CFAP74: variants seen among roughly 807,000 people sequenced by gnomAD.
CFAP74 encodes the protein cilia- and flagella-associated protein 74.
CFAP74 carries 124 observed loss-of-function variants against 188.9 expected under a neutral mutation model. The observed-to-expected ratio is 0.66, with a 90% CI of 0.57 to 0.76. The LOEUF (loss-of-function observed/expected upper bound fraction) is 0.76. Among genes scored for constraint, CFAP74 ranks in the 30% least tolerant of loss-of-function variants. The pLI is 0.00. For missense variants in CFAP74, 2,198 were observed against 2,165.2 expected, an observed-to-expected ratio of 1.02 and a Z score of -0.30; for synonymous variants, 956 against 916.7, an observed-to-expected ratio of 1.04 and a Z score of -0.77.
At chr1:1,941,883 T>C in intron 22 of CFAP74, 145 bp downstream of exon 22, 1 of 861,660 alleles carries the variant, frequency 1.2e-6, no homozygotes, top group South Asian at 3.6e-5. Context: ...CCCCCCAGCG[T>C]CATGGCCTCT....
At chr1:1,993,112 A>G (rs1410309401) in intron 1 of CFAP74, among the ~76,000 whole-genome samples, 2 of 149,738 alleles carry the variant, frequency 1.3e-5, no homozygotes, top group Non-Finnish European at 3.0e-5. Context: ...GAGGCCCGAG[A>G]ATTGCTTGAG....
chr1:1,972,041 T>A lies in CFAP74; in HGVS notation c.827A>T (p.Glu276Val), dbSNP rs1283278610. The change falls in exon 9 of 39, where the codon GAG becomes GTG. Residue 276 changes from glutamate to valine, a missense_variant. Transcript: ENST00000682832. ...QEKKEEMECHEYMRRRMDAVV... is the reference protein window; with the variant it reads ...QEKKEEMECHVYMRRRMDAVV... The stretch of plus-strand genomic sequence containing the variant: ...CGCATCCATGCGTCGCCTCATGTAC[T>A]CGTGGCACTCCATCTCCTCCTTCTT... 2 of 1,612,984 alleles carry A rather than the reference T, an allele frequency of 1.2e-6. No homozygotes were observed. The highest frequency in any genetic ancestry group is 1.7e-5 in the Admixed American group (1 of 60,014).
chr1:1,996,617 AAAG>A (rs1457780246), intron 1 of CFAP74, among the ~76,000 whole-genome samples: 1 of 152,152 alleles, frequency 6.6e-6, no homozygotes, highest in Non-Finnish European at 1.5e-5. Flanking sequence ...GCAGTAACAG[AAAG>A]AAGGTCTCCT....
chr1:1,954,749 C>T lies in CFAP74; in HGVS notation c.2176+942G>A, dbSNP rs1654425122. 9 of 1,055,874 alleles carry T rather than the reference C, an allele frequency of 8.5e-6. 1 individual carries two copies. Among genetic ancestry groups the T allele is most frequent in the Middle Eastern group, 4.4e-4 (1 of 2,298 alleles). The allele number at this position is 1,055,874 out of a possible 1,614,324, so 65.4% of individuals were successfully genotyped here. On this transcript the variant is annotated intron_variant, in intron 18 of 38. Coordinates refer to ENST00000682832, the MANE Select transcript of CFAP74 (RefSeq NM_001304360.2). The stretch of plus-strand genomic sequence containing the variant: ...AGTGAGCTGTGACTGCACCACTGCA[C>T]TCCAGCCTAGGCGACAGAGACCCTG...
At chr1:1,955,196 G>A (rs1220081820) in intron 18 of CFAP74, 6 of 1,288,884 alleles carry the variant, frequency 4.7e-6, no homozygotes, top group Middle Eastern at 2.6e-4. Context: ...ATCTCGATGC[G>A]TATGTGGGAA....
In CFAP74 at chr1:1,923,806, G is replaced by A; in HGVS notation, c.4358C>T (p.Ser1453Phe). Reference protein sequence around the residue: ...FSPDHESLYFSDKLQVVLFEK... With the variant: ...FSPDHESLYFFDKLQVVLFEK... ...AAAGAGCACCACCTGGAGCTTGTCGGAGAAGTAGAGGCTTTCGTGGTCGGG... is the reference window on the plus strand; with the variant it reads ...AAAGAGCACCACCTGGAGCTTGTCGAAGAAGTAGAGGCTTTCGTGGTCGGG... The change falls in exon 35 of 39, where the codon TCC becomes TTC. Residue 1453 changes from serine to phenylalanine, a missense_variant. By Grantham distance (155) the Ser-to-Phe change is radical. Transcript: ENST00000682832. The surrounding 1 kb of genome is among the most constrained non-coding windows in gnomAD (Gnocchi z 6.3). 1 of 1,613,508 alleles carries A rather than the reference G, an allele frequency of 6.2e-7. No homozygotes were observed. Among genetic ancestry groups the A allele is most frequent in the Non-Finnish European group, 8.5e-7 (1 of 1,179,860 alleles).
At chr1:1,995,942 C>A (rs1239911957) in intron 1 of CFAP74, among the ~76,000 whole-genome samples, 1 of 152,050 alleles carries the variant, frequency 6.6e-6, no homozygotes, top group Non-Finnish European at 1.5e-5. Flanking sequence ...ACAACAACAA[C>A]AAACCCAAGA....
At chr1:1,955,315 C>CGGCTGGTG in intron 18 of CFAP74, 1 of 1,305,228 alleles carries the variant, frequency 7.7e-7, no homozygotes, top group Non-Finnish European at 1.0e-6. Flanking sequence ...GCACCTCTCC[C>CGGCTGGTG]CGCTGGTGCG....
At chr1:1,980,773 CG>C (rs1439266526) in intron 6 of CFAP74, among the ~76,000 whole-genome samples, 1 of 152,208 alleles carries the variant, frequency 6.6e-6, no homozygotes, top group Non-Finnish European at 1.5e-5. Context: ...AGCCCCTCCA[CG>C]GGGTCTCTCT....
chr1:1,990,209 T>C (rs1657487309), intron 2 of CFAP74, among the ~76,000 whole-genome samples: 2 of 152,136 alleles, frequency 1.3e-5, no homozygotes, highest in Non-Finnish European at 2.9e-5. Flanking sequence ...TTTTTAAGAA[T>C]GTAAAGGGGT....
intron 16 of CFAP74, among the ~76,000 whole-genome samples, chr1:1,957,200 C>T (rs1369693156): frequency 6.6e-6 from 1 of 152,198 alleles, no homozygotes; most frequent in African/African-American, 2.4e-5. Flanking sequence ...CATGGGGGTG[C>T]CTCACCATGC....
chr1:1,987,026 C>T lies in CFAP74; in HGVS notation c.306G>A (p.Leu102=). Residue 102 remains leucine, a synonymous_variant, in exon 5 of 39, where the codon CTG becomes CTA. Coordinates refer to ENST00000682832, the MANE Select transcript of CFAP74 (RefSeq NM_001304360.2). ...ELFTEKMRGE[L]RACRQRRDLI... Reference sequence around the variant, plus strand: ...GGTCCCGCCTCTGCCGACAGGCGCGCAGCTCCCCTCTGGAACAGGGAAACA... The same window carrying T: ...GGTCCCGCCTCTGCCGACAGGCGCGTAGCTCCCCTCTGGAACAGGGAAACA... 1 of 1,597,262 alleles carries T rather than the reference C, an allele frequency of 6.3e-7. No individual in the cohort carries two copies. The highest frequency in any genetic ancestry group is 8.5e-7 in the Non-Finnish European group (1 of 1,175,942).
Position 1,925,934 on chromosome 1 carries a change from T to C in CFAP74, c.3953A>G (p.Gln1318Arg), listed in dbSNP as rs1398775280. Residue 1318 changes from glutamine to arginine, a missense_variant, in exon 33 of 39, where the codon CAA becomes CGA. Gln to Arg is a conservative substitution (Grantham distance 43). Coordinates refer to ENST00000682832, the MANE Select transcript of CFAP74 (RefSeq NM_001304360.2). Reference sequence around the variant, plus strand: ...CTTGGTGATGATGTCCAGTGTTTCTTGAGCCTAAAGAGACCACATCGCTCA... The same window carrying C: ...CTTGGTGATGATGTCCAGTGTTTCTCGAGCCTAAAGAGACCACATCGCTCA... The part of the protein sequence containing the change: ...SFSPHESILA[Q>R]ETLDIITKRG... 1 of 1,606,244 alleles carries C rather than the reference T, an allele frequency of 6.2e-7. No individual in the cohort carries two copies. The highest frequency in any genetic ancestry group is 8.5e-7 in the Non-Finnish European group (1 of 1,176,870).
intron 14 of CFAP74, among the ~76,000 whole-genome samples, chr1:1,961,128 G>T (rs1225421351): frequency 6.6e-6 from 1 of 152,158 alleles, no homozygotes; most frequent in Non-Finnish European, 1.5e-5. Context: ...AGCACCTAGA[G>T]CACCACCCAA....
At chr1:1,929,653 C>T (rs1389955752) in intron 26 of CFAP74, among the ~76,000 whole-genome samples, 1 of 151,922 alleles carries the variant, frequency 6.6e-6, no homozygotes, top group African/African-American at 2.4e-5. Flanking sequence ...GCTTTCTGCT[C>T]TGCAGGAAAG....
chr1:1,981,869 C>CG (rs551722026), intron 6 of CFAP74, among the ~76,000 whole-genome samples: 3 of 104,798 alleles, frequency 2.9e-5, no homozygotes, highest in African/African-American at 8.0e-5. Flanking sequence ...CGGACAGACA[C>CG]GGGGGCACGC....
intron 18 of CFAP74, chr1:1,955,160 G>A: frequency 7.8e-7 from 1 of 1,287,670 alleles, no homozygotes; most frequent in South Asian, 1.2e-5. Flanking sequence ...CGCGAAGACA[G>A]ACAGGAGGAG....
intron 25 of CFAP74, among the ~76,000 whole-genome samples, chr1:1,932,587 TC>T (rs1652501117): frequency 6.6e-6 from 1 of 151,468 alleles, no homozygotes; most frequent in South Asian, 2.1e-4. Context: ...TCAATTTTTT[TC>T]TTTCTTTTTT....
At chr1:1,991,136 A>G (rs1657542396) in intron 1 of CFAP74, among the ~76,000 whole-genome samples, 161 bp from the exon 2 acceptor site, 1 of 152,386 alleles carries the variant, frequency 6.6e-6, no homozygotes, top group East Asian at 1.9e-4. Context: ...CATCTGGAAC[A>G]CATGAAGAGC....
Sources: gnomAD v4.1 joint callset for allele counts (sites outside exome capture counted in the v4.1 genomes callset) on GRCh38, gnomAD v4.1.1 for gene constraint, Gnocchi (gnomAD v3.1) non-coding constraint, MANE v1.5 for transcripts, NCBI Gene and HGNC (gene_info 2026-07-23, HGNC 2026-07-21) for gene names.